The following C15orf40 variants were observed in gnomAD, a reference collection of about 807,000 sequenced individuals.
C15orf40 encodes chromosome 15 open reading frame 40, also known as UPF0235 protein C15orf40.
C15orf40 carries 9 observed loss-of-function variants against 13.9 expected under a neutral mutation model. The ratio of observed to expected loss-of-function variants is 0.65; its 90% CI spans 0.39 to 1.13. The LOEUF is 1.13. Among genes scored for constraint, C15orf40 ranks in the 50% most tolerant of loss-of-function variants. C15orf40 has a pLI of 0.01. For synonymous variants in C15orf40, 95 were observed against 69.2 expected (o/e 1.37, Z -1.85); for missense variants, 225 against 188.5 (o/e 1.19, Z -1.13).
Position 82,999,882 on chromosome 15 carries a change from A to G in C15orf40, c.*5715T>C, listed in dbSNP as rs541307557. On this transcript the variant is annotated 3_prime_UTR_variant, in exon 4 of 4. Transcript: ENST00000304177. ...GGATTATAAAATGCAAAAACCCTTA[A>G]TAACTAAATTATGAGGATTGTCTGA... The G allele has an allele frequency of 6.6e-6, 1 of 152,270 alleles. No individual in the cohort carries two copies. The highest frequency in any genetic ancestry group is 1.9e-4 in the East Asian group (1 of 5,186). The allele number at this position is 152,270 out of a possible 1,614,324, so 9.4% of individuals were successfully genotyped here.
rs1596407214 is a variant in C15orf40, at chr15:83,004,955, G to C, written c.*642C>G. 5.4e-6 allele frequency: 7 copies of C among 1,288,390 alleles called. No homozygotes were observed. Among genetic ancestry groups the C allele is most frequent in the Non-Finnish European group, 7.2e-6 (7 of 974,616 alleles). The allele number at this position is 1,288,390 out of a possible 1,614,324, so 79.8% of individuals were successfully genotyped here. On this transcript the variant is annotated 3_prime_UTR_variant, in exon 4 of 4. Coordinates refer to ENST00000304177, the MANE Select transcript of C15orf40 (RefSeq NM_144597.3). ...TTGCCAGCTTGCATGGTACAATCTT[G>C]AGTAAGTCTCTCAACTTCTGGATAT...
At chr15:83,007,063 A>G (rs2031726240) in intron 3 of C15orf40, among the ~76,000 whole-genome samples, 1 of 152,158 alleles carries the variant, frequency 6.6e-6, no homozygotes, top group Non-Finnish European at 1.5e-5. Context: ...AAGAAATATA[A>G]ACATGGCTGG....
In C15orf40 at chr15:83,004,082, T is replaced by C. The variant is rs1024782755; in HGVS notation, c.*1515A>G. On this transcript the variant is annotated 3_prime_UTR_variant, in exon 4 of 4. Coordinates refer to ENST00000304177, the MANE Select transcript of C15orf40 (RefSeq NM_144597.3). ...TATATATGAGGTCTTATATATAATC[T>C]TACATATAAATATATATATCTATGT... The C allele has an allele frequency of 2.0e-5, 3 of 152,186 alleles. No individual in the cohort carries two copies. Among genetic ancestry groups the C allele is most frequent in the Admixed American group, 6.6e-5 (1 of 15,256 alleles). 9.4% of individuals were successfully genotyped at this position (152,186 alleles called of 1,614,324 possible).
rs1468683252 is a variant in C15orf40 at position 83,010,261 on chromosome 15, C to T, written c.214G>A (p.Gly72Ser). The change falls in exon 2 of 4, where the codon GGC becomes AGC. Residue 72 changes from glycine to serine, a missense_variant. Gly to Ser is a moderately conservative substitution (Grantham distance 56). Coordinates refer to ENST00000304177, the MANE Select transcript of C15orf40 (RefSeq NM_144597.3). The stretch of plus-strand genomic sequence containing the variant: ...CCTGTTACAGCATTTTGTTTGGAGC[C>T]AGGTTTTGCATGGATGGCTATGGTG... ...CVTIAIHAKPGSKQNAVTDLT... is the reference protein window; with the variant it reads ...CVTIAIHAKPSSKQNAVTDLT... 6.2e-7 allele frequency: 1 copy of T among 1,614,196 alleles called. No homozygotes were observed. The highest frequency in any genetic ancestry group is 8.5e-7 in the Non-Finnish European group (1 of 1,180,038).
rs1351102515 is a variant in C15orf40 at position 82,997,278 on chromosome 15, T to G, written c.*8319A>C. On this transcript the variant is annotated 3_prime_UTR_variant, in exon 4 of 4. Transcript: ENST00000304177. ...CTTGGGTGTTTCTCACAGAGGGGGA[T>G]TTGGCAGGGAAGGTCAGCAGATAAA... 1 of 147,990 alleles carries G rather than the reference T, an allele frequency of 6.8e-6. No individual in the cohort carries two copies. Among genetic ancestry groups the G allele is most frequent in the African/African-American group, 2.5e-5 (1 of 39,616 alleles). The allele number at this position is 147,990 out of a possible 1,614,324, so 9.2% of individuals were successfully genotyped here. A position where few individuals can be genotyped will look rare whatever the true frequency, so the allele number is the denominator to read the frequency against.
At chr15:83,006,958 T>C (rs1444086697) in intron 3 of C15orf40, among the ~76,000 whole-genome samples, 2 of 152,098 alleles carry the variant, frequency 1.3e-5, no homozygotes, top group African/African-American at 4.8e-5. Flanking sequence ...TTCAAATGGA[T>C]TTTTAGGTGC....
Position 83,004,981 on chromosome 15 carries a change from A to G in C15orf40, c.*616T>C, listed in dbSNP as rs71451677. On this transcript the variant is annotated 3_prime_UTR_variant, in exon 4 of 4. Coordinates refer to ENST00000304177, the MANE Select transcript of C15orf40 (RefSeq NM_144597.3). ...AGTAAGTCTCTCAACTTCTGGATAT[A>G]GGAAATCAAAGGCCCCCCAACAGAA... 7.1e-3 allele frequency: 9,031 copies of G among 1,273,260 alleles called. 48 individuals carry two copies. Among genetic ancestry groups the G allele is most frequent in the Non-Finnish European group, 7.8e-3 (7,466 of 963,286 alleles). 78.9% of individuals were successfully genotyped at this position (1,273,260 alleles called of 1,614,324 possible).
In C15orf40 at chr15:82,996,047, T is replaced by A. The variant is rs1479893800; in HGVS notation, c.*9550A>T. ...TCCCTAAAGGGCACAGACAGCCCCA[T>A]GTATGGGCTAATTCAGTTGGTGTTT... On this transcript the variant is annotated 3_prime_UTR_variant, in exon 4 of 4. Coordinates refer to ENST00000304177, the MANE Select transcript of C15orf40 (RefSeq NM_144597.3). The A allele has an allele frequency of 6.6e-6, 1 of 152,222 alleles. No homozygotes were observed. The highest frequency in any genetic ancestry group is 2.4e-5 in the African/African-American group (1 of 41,460). The allele number at this position is 152,222 out of a possible 1,614,324, so 9.4% of individuals were successfully genotyped here. A position where few individuals can be genotyped will look rare whatever the true frequency, so the allele number is the denominator to read the frequency against.
At chr15:82,991,964 C>T (rs1321978215), downstream of C15orf40, 1 of 1,261,228 alleles carries the variant, frequency 7.9e-7, no homozygotes, top group African/African-American at 1.5e-5. Context: ...ACCTGTTATC[C>T]CAGCACTCTG....
At chr15:82,989,215 A>C (rs781618716), downstream of C15orf40, 3 of 1,607,234 alleles carry the variant, frequency 1.9e-6, no homozygotes, top group South Asian at 3.3e-5. Context: ...ATAAATGCAG[A>C]TAGTTGATCT....
downstream of C15orf40, among the ~76,000 whole-genome samples, chr15:82,993,252 C>A (rs2030931726): frequency 1.3e-5 from 2 of 152,108 alleles, no homozygotes. Context: ...CATTAAATCC[C>A]TAGTAGGACA....
rs1844682416 is a variant in C15orf40 at position 83,002,355 on chromosome 15, T to C, written c.*3242A>G. The C allele has an allele frequency of 6.6e-6, 1 of 152,272 alleles. No homozygotes were observed. The highest frequency in any genetic ancestry group is 2.1e-4 in the South Asian group (1 of 4,832). 9.4% of individuals were successfully genotyped at this position (152,272 alleles called of 1,614,324 possible). A position where few individuals can be genotyped will look rare whatever the true frequency, so the allele number is the denominator to read the frequency against. The stretch of plus-strand genomic sequence containing the variant: ...AAATGAAGTAAATAGGTTATCGTAG[T>C]AGAAACTGGTGGTTCCTCTCCAGCA... On this transcript the variant is annotated 3_prime_UTR_variant, in exon 4 of 4. Coordinates refer to ENST00000304177, the MANE Select transcript of C15orf40 (RefSeq NM_144597.3).
chr15:83,006,439 CG>C, intron 3 of C15orf40: 2 of 985,388 alleles, frequency 2.0e-6, no homozygotes, highest in Non-Finnish European at 2.4e-6. Flanking sequence ...CCAAGTGCCA[CG>C]ATTTCACAAC....
At chr15:83,006,480 C>T in intron 3 of C15orf40, 1 of 985,302 alleles carries the variant, frequency 1.0e-6, no homozygotes, top group Non-Finnish European at 1.2e-6. Context: ...GATTTGTTGG[C>T]CAGGTGTGGT....
At position 82,999,837 on chromosome 15, in the gene C15orf40, G is replaced by C. The variant is rs986730785; in HGVS notation, c.*5760C>G. The C allele has an allele frequency of 6.6e-6, 1 of 152,122 alleles. No homozygotes were observed. The highest frequency in any genetic ancestry group is 2.4e-5 in the African/African-American group (1 of 41,404). 9.4% of individuals were successfully genotyped at this position (152,122 alleles called of 1,614,324 possible). ...CTCCCCAAACTCTATCTAGGGGACC[G>C]ATGGACCCTGAGGCAGACAGGATTA... On this transcript the variant is annotated 3_prime_UTR_variant, in exon 4 of 4. Transcript: ENST00000304177.
downstream of C15orf40, among the ~76,000 whole-genome samples, chr15:82,989,442 T>C (rs2030763281): frequency 6.6e-6 from 1 of 152,262 alleles, no homozygotes; most frequent in Admixed American, 6.5e-5. Flanking sequence ...ACTAATATTT[T>C]CAATGCAAAT....
At chr15:82,992,388 T>C (rs2030899464), downstream of C15orf40, among the ~76,000 whole-genome samples, 1 of 152,078 alleles carries the variant, frequency 6.6e-6, no homozygotes, top group Middle Eastern at 3.2e-3. Context: ...TGGTGGCGGA[T>C]GCCTGTAATC....
chr15:82,990,834 T>A, downstream of C15orf40: 1 of 516,118 alleles, frequency 1.9e-6, no homozygotes, highest in South Asian at 3.4e-5. Flanking sequence ...CTGTAAATAA[T>A]GCTGCATTTT....
downstream of C15orf40, among the ~76,000 whole-genome samples, chr15:82,991,617 C>T (rs907016472): frequency 6.6e-6 from 1 of 152,142 alleles, no homozygotes; most frequent in African/African-American, 2.4e-5. Context: ...TCTAGGCCCT[C>T]GAGGTTGACT....
Sources: gnomAD v4.1 joint callset for allele counts (sites outside exome capture counted in the v4.1 genomes callset) on GRCh38, gnomAD v4.1.1 for gene constraint, MANE v1.5 for transcripts, NCBI Gene and HGNC (gene_info 2026-07-23, HGNC 2026-07-21) for gene names.